The following RNFT2 variants were observed in gnomAD, a reference collection of about 807,000 sequenced individuals.
RNFT2 encodes ring finger protein, transmembrane 2.
Under a neutral mutation model 53.0 loss-of-function variants are expected in RNFT2, and 36 were observed. The ratio of observed to expected loss-of-function variants is 0.68; its 90% CI spans 0.52 to 0.90. The LOEUF is 0.90. Among genes scored for constraint, RNFT2 ranks in the 40% least tolerant of loss-of-function variants. The probability of loss-of-function intolerance (pLI) is 0.00; values close to 1 mark genes in which losing one functional copy is unlikely to be tolerated. For missense variants in RNFT2, 514 were observed against 585.6 expected (o/e 0.88, Z 1.26); for synonymous variants, 260 against 253.2 (o/e 1.03, Z -0.26).
At position 116,851,935 on chromosome 12, in the gene RNFT2, C is replaced by T; in HGVS notation, c.*2487C>T. On this transcript the variant is annotated 3_prime_UTR_variant, in exon 11 of 11. Transcript: ENST00000257575. ...GCAGCTCCTGTGGACATTGCCATCCCCTCTGGTAGCCTTCAGAGCAAACAG... is the reference window on the plus strand; with the variant it reads ...GCAGCTCCTGTGGACATTGCCATCCTCTCTGGTAGCCTTCAGAGCAAACAG... 2.0e-6 allele frequency: 3 copies of T among 1,531,122 alleles called. No individual in the cohort carries two copies. Among genetic ancestry groups the T allele is most frequent in the Non-Finnish European group, 2.6e-6 (3 of 1,145,106 alleles). 94.8% of individuals were successfully genotyped at this position (1,531,122 alleles called of 1,614,324 possible).
At chr12:116,839,425 G>GGA (rs1565875183) in intron 10 of RNFT2, among the ~76,000 whole-genome samples, 69 of 112,540 alleles carry the variant, frequency 6.1e-4, no homozygotes, top group African/African-American at 2.2e-3. Flanking sequence ...GGGTGGGTGG[G>GGA]TGGATGGATG....
chr12:116,849,702 G>C lies in RNFT2; in HGVS notation c.*254G>C, dbSNP rs75083621. The C allele has an allele frequency of 8.1e-6, 10 of 1,229,720 alleles. No individual in the cohort carries two copies. The highest frequency in any genetic ancestry group is 1.0e-5 in the Non-Finnish European group (10 of 984,706). The allele number at this position is 1,229,720 out of a possible 1,614,324, so 76.2% of individuals were successfully genotyped here. On this transcript the variant is annotated 3_prime_UTR_variant, in exon 11 of 11. Coordinates refer to ENST00000257575, the MANE Select transcript of RNFT2 (RefSeq NM_001382266.1). ...CTAACTCAGACTTGATGCCCTTCTA[G>C]ATGCATCTTCCTTCTCCACTCCAAG...
At chr12:116,841,950 T>A (rs191738235) in intron 10 of RNFT2, among the ~76,000 whole-genome samples, 6 of 22,008 alleles carry the variant, frequency 2.7e-4, no homozygotes, top group Middle Eastern at 0.021. Context: ...TATATATAAA[T>A]ATATATATAG....
At chr12:116,759,096 A>G (rs149285369) in intron 5 of RNFT2, among the ~76,000 whole-genome samples, 7,962 of 152,152 alleles carry the variant, frequency 0.052, 262 homozygotes, top group Middle Eastern at 0.088. Context: ...GGGTTAATTC[A>G]AAGACCTTGT....
chr12:116,762,196 T>C (rs1362079103), intron 5 of RNFT2, among the ~76,000 whole-genome samples: 2 of 151,798 alleles, frequency 1.3e-5, no homozygotes, highest in Non-Finnish European at 2.9e-5. Context: ...CTGAACAACG[T>C]GGTGAAACCC....
chr12:116,805,483 G>T (rs917110882), intron 7 of RNFT2, among the ~76,000 whole-genome samples: 5 of 152,030 alleles, frequency 3.3e-5, no homozygotes, highest in Admixed American at 6.6e-5. Context: ...TGTTGTTGTT[G>T]TTGTTTTTTG....
chr12:116,800,458 C>T (rs1874713603), intron 7 of RNFT2, among the ~76,000 whole-genome samples: 1 of 151,900 alleles, frequency 6.6e-6, no homozygotes, highest in Non-Finnish European at 1.5e-5. Context: ...CATGGTGAAA[C>T]TTTTCTCTAC....
intron 3 of RNFT2, among the ~76,000 whole-genome samples, chr12:116,745,793 A>C (rs1034428084): frequency 2.6e-5 from 4 of 152,182 alleles, no homozygotes; most frequent in Admixed American, 2.0e-4. Flanking sequence ...ATTCTTTCAA[A>C]CACTTTTTAT....
At chr12:116,779,669 G>A (rs1358732216) in intron 7 of RNFT2, among the ~76,000 whole-genome samples, 3 of 152,114 alleles carry the variant, frequency 2.0e-5, no homozygotes, top group Admixed American at 6.5e-5. Flanking sequence ...CATGCCCCGG[G>A]ACCTGCTTCT....
At chr12:116,829,202 G>A (rs1876504894) in intron 7 of RNFT2, among the ~76,000 whole-genome samples, 1 of 152,106 alleles carries the variant, frequency 6.6e-6, no homozygotes, top group Non-Finnish European at 1.5e-5. Flanking sequence ...AGATCTTGGG[G>A]TCTGCAGCAG....
At chr12:116,795,322 C>T (rs1172684058) in intron 7 of RNFT2, among the ~76,000 whole-genome samples, 1 of 151,576 alleles carries the variant, frequency 6.6e-6, no homozygotes, top group Admixed American at 6.6e-5. Context: ...TCAGAAGAAT[C>T]GCTTGAACCC....
chr12:116,745,617 C>T (rs1032388110), intron 3 of RNFT2, among the ~76,000 whole-genome samples: 1 of 152,186 alleles, frequency 6.6e-6, no homozygotes, highest in Non-Finnish European at 1.5e-5. Context: ...AGGGAAACCA[C>T]CGTGTCCCAC....
intron 7 of RNFT2, among the ~76,000 whole-genome samples, chr12:116,806,662 T>C (rs1875096504): frequency 6.6e-6 from 1 of 151,580 alleles, no homozygotes; most frequent in Non-Finnish European, 1.5e-5. Context: ...TGAGGATCCC[T>C]TGAGCCTGAG....
intron 10 of RNFT2, among the ~76,000 whole-genome samples, chr12:116,845,695 G>C (rs1877576639): frequency 6.6e-6 from 1 of 152,126 alleles, no homozygotes; most frequent in South Asian, 2.1e-4. Flanking sequence ...GTGGGAATCT[G>C]TAGAAGCTGC....
intron 10 of RNFT2, among the ~76,000 whole-genome samples, chr12:116,848,416 A>G (rs931026930): frequency 2.4e-4 from 37 of 152,154 alleles, no homozygotes; most frequent in Non-Finnish European, 3.1e-4. Flanking sequence ...ACTGCAAATC[A>G]TATCAGGTCA....
intron 6 of RNFT2, among the ~76,000 whole-genome samples, chr12:116,771,492 A>ATATATATATATAT (rs751202230): frequency 9.2e-6 from 1 of 109,270 alleles, no homozygotes; most frequent in African/African-American, 3.6e-5. Flanking sequence ...AAAAAAAAAA[A>ATATATATATATAT]AAATACGTAT....
chr12:116,802,857 G>T (rs966042566), intron 7 of RNFT2, among the ~76,000 whole-genome samples: 3 of 152,146 alleles, frequency 2.0e-5, no homozygotes, highest in African/African-American at 7.2e-5. Flanking sequence ...CACTTTGGGA[G>T]GCCGAGCCAG....
At position 116,841,894 on chromosome 12, in the gene RNFT2, AATAT is replaced by A. The variant is rs1218501770; in HGVS notation, c.1200+5622_1200+5625del. On this transcript the variant is annotated intron_variant, in intron 10 of 10. Transcript: ENST00000257575. ...AAATATATATATAAATATATATAAA[AATAT>A]ATATATATAAATATATATATAAAAA... is the stretch of plus-strand genomic sequence containing the variant. Among the ~76,000 whole-genome samples the A allele has an allele frequency of 3.6e-3, 76 of 21,222 alleles. 4 individuals are homozygous for A. Among genetic ancestry groups the A allele is most frequent in the African/African-American group, 0.013 (68 of 5,044 alleles). 13.9% of individuals were successfully genotyped at this position (21,222 alleles called of 152,430 possible).
chr12:116,806,367 C>CAAAAA (rs139305837), intron 7 of RNFT2, among the ~76,000 whole-genome samples: 56 of 113,936 alleles, frequency 4.9e-4, no homozygotes, highest in African/African-American at 1.9e-3. Context: ...GAGACTGTCT[C>CAAAAA]AAAAAAAAAA....
Sources: allele counts gnomAD v4.1 joint callset (sites outside exome capture counted in the v4.1 genomes callset), GRCh38; gene constraint gnomAD v4.1.1; transcripts MANE v1.5; gene names NCBI Gene and HGNC (gene_info 2026-07-23, HGNC 2026-07-21).